PUS7: variants seen among roughly 807,000 people sequenced by gnomAD.
PUS7 encodes the protein pseudouridine synthase 7.
Under a neutral mutation model 79.8 loss-of-function variants are expected in PUS7, and 48 were observed. The observed-to-expected ratio is 0.60, with a 90% CI of 0.48 to 0.76. PUS7 has a LOEUF of 0.76. PUS7 is among the 30% of genes least tolerant of loss of function. The pLI, the probability that PUS7 is intolerant of heterozygous loss-of-function variation, is 0.00. For synonymous variants in PUS7, 286 were observed against 272.2 expected (o/e 1.05, Z -0.50); for missense variants, 729 against 797.6 (o/e 0.91, Z 1.04).
intron 11 of PUS7, among the ~76,000 whole-genome samples, chr7:105,469,781 C>G (rs1823800560): frequency 6.6e-6 from 1 of 152,162 alleles, no homozygotes; most frequent in South Asian, 2.1e-4. Flanking sequence ...TTAGTAGAGA[C>G]AAGGTTTCAC....
At chr7:105,499,244 G>A (rs544768301) in intron 5 of PUS7, among the ~76,000 whole-genome samples, 1 of 152,306 alleles carries the variant, frequency 6.6e-6, no homozygotes, top group East Asian at 1.9e-4. Flanking sequence ...AGCAATGGTA[G>A]TCCATTGATC....
rs1586078949 is a variant in PUS7, at chr7:105,459,018, G to A, written c.1849+150C>T. Reference sequence around the variant, plus strand: ...TACTGGTTTTAATCACTAACTTTCAGCCATAATTGTGAAAGTAAGGTCATA... The same window carrying A: ...TACTGGTTTTAATCACTAACTTTCAACCATAATTGTGAAAGTAAGGTCATA... On this transcript the variant is annotated intron_variant, in intron 15 of 15. Transcript: ENST00000469408. 10 of 478,912 alleles carry A rather than the reference G, an allele frequency of 2.1e-5. No individual in the cohort carries two copies. The East Asian group carries it at 3.2e-4, about 15-fold the overall frequency. The allele number at this position is 478,912 out of a possible 1,614,324, so 29.7% of individuals were successfully genotyped here. A position where few individuals can be genotyped will look rare whatever the true frequency, so the allele number is the denominator to read the frequency against.
chr7:105,494,596 G>A (rs1399220532), intron 6 of PUS7, among the ~76,000 whole-genome samples: 2 of 151,894 alleles, frequency 1.3e-5, no homozygotes, highest in Non-Finnish European at 2.9e-5. Context: ...TTTTAGTAGA[G>A]ATTGGGTTTC....
chr7:105,472,342 C>T, intron 9 of PUS7, 149 bp from the exon 10 acceptor site: 1 of 540,532 alleles, frequency 1.9e-6, no homozygotes, highest in Non-Finnish European at 3.3e-6. Context: ...TCTAGTGATT[C>T]TCCCACCTCA....
In PUS7 at chr7:105,481,077, C is replaced by G. The variant is rs751864345; in HGVS notation, c.1150G>C (p.Ala384Pro). The change falls in exon 9 of 16, where the codon GCT (alanine) becomes CCT (proline). Residue 384 changes from alanine to proline, a missense_variant. Physicochemically the swap from Ala to Pro is conservative, Grantham distance 27. Transcript: ENST00000469408. Reference protein sequence around the residue: ...YYGMQRFGTTAVPTYQVGRAI... With the variant: ...YYGMQRFGTTPVPTYQVGRAI... Reference sequence around the variant, plus strand: ...CTTCCAACCTGATACGTAGGGACAGCTGTGGTTCCAAATCTTTGCATTCCA... The same window carrying G: ...CTTCCAACCTGATACGTAGGGACAGGTGTGGTTCCAAATCTTTGCATTCCA... 6.2e-6 allele frequency: 10 copies of G among 1,612,286 alleles called. No homozygotes were observed. Among genetic ancestry groups the G allele is most frequent in the Non-Finnish European group, 8.5e-6 (10 of 1,179,104 alleles).
chr7:105,503,417 G>C (rs768681379), intron 4 of PUS7, among the ~76,000 whole-genome samples: 15 of 151,946 alleles, frequency 9.9e-5, no homozygotes, highest in Non-Finnish European at 2.2e-4. Flanking sequence ...CTAGCACATG[G>C]GTTTACAGTA....
intron 6 of PUS7, among the ~76,000 whole-genome samples, chr7:105,492,957 T>G (rs1310422654): frequency 6.6e-6 from 1 of 152,214 alleles, no homozygotes; most frequent in Non-Finnish European, 1.5e-5. Flanking sequence ...ATTCCTTTCT[T>G]AGCAGTGTAA....
At chr7:105,503,446 A>G (rs1410923775) in intron 4 of PUS7, among the ~76,000 whole-genome samples, 3 of 152,250 alleles carry the variant, frequency 2.0e-5, no homozygotes, top group Non-Finnish European at 2.9e-5. Flanking sequence ...TCAACATGAT[A>G]TAAACTCACT....
At chr7:105,503,194 G>C (rs1825324479) in intron 4 of PUS7, among the ~76,000 whole-genome samples, 1 of 152,174 alleles carries the variant, frequency 6.6e-6, no homozygotes, top group Admixed American at 6.5e-5. Flanking sequence ...GAAGGTGGTA[G>C]AGCTGGATTT....
At chr7:105,520,354 G>T (rs916722987) in intron 1 of PUS7, among the ~76,000 whole-genome samples, 4 of 151,926 alleles carry the variant, frequency 2.6e-5, no homozygotes, top group Non-Finnish European at 4.4e-5. Context: ...AGCTACTCGG[G>T]AGGCTGAGGC....
chr7:105,473,050 C>G (rs146225914), intron 9 of PUS7, among the ~76,000 whole-genome samples: 1 of 151,682 alleles, frequency 6.6e-6, no homozygotes, highest in African/African-American at 2.4e-5. Flanking sequence ...CATAAGCCCC[C>G]GTGCCCGGCC....
At chr7:105,489,401 A>G (rs1824695542) in intron 7 of PUS7, among the ~76,000 whole-genome samples, 1 of 152,022 alleles carries the variant, frequency 6.6e-6, no homozygotes, top group Admixed American at 6.6e-5. Context: ...TCCCTGGTCC[A>G]TTACCCACAA....
chr7:105,495,655 G>C (rs1446154057), intron 5 of PUS7, among the ~76,000 whole-genome samples: 1 of 152,064 alleles, frequency 6.6e-6, no homozygotes, highest in African/African-American at 2.4e-5. Flanking sequence ...TGAGGTGGGA[G>C]GATCACATGA....
chr7:105,467,437 C>G (rs913663627), intron 12 of PUS7, among the ~76,000 whole-genome samples: 5 of 151,642 alleles, frequency 3.3e-5, no homozygotes, highest in South Asian at 2.1e-4. Context: ...CTACAGGCGC[C>G]TGCCACCACG....
At chr7:105,471,341 C>A (rs1381090016) in intron 10 of PUS7, among the ~76,000 whole-genome samples, 1 of 152,190 alleles carries the variant, frequency 6.6e-6, no homozygotes, top group Non-Finnish European at 1.5e-5. Flanking sequence ...TGCAAATCCT[C>A]AAGGTGTTTT....
At chr7:105,507,883 C>T (rs1825535947) in intron 2 of PUS7, among the ~76,000 whole-genome samples, 1 of 151,920 alleles carries the variant, frequency 6.6e-6, no homozygotes, top group South Asian at 2.1e-4. Context: ...TGCATGCCAG[C>T]CTGGGTGACA....
chr7:105,518,478 A>G (rs1046289861), intron 1 of PUS7, among the ~76,000 whole-genome samples: 5 of 145,866 alleles, frequency 3.4e-5, no homozygotes, highest in African/African-American at 7.6e-5. Context: ...TCTCAGTTCA[A>G]TGCAGCCTCG....
chr7:105,496,048 T>C (rs1824999650), intron 5 of PUS7, among the ~76,000 whole-genome samples: 1 of 151,550 alleles, frequency 6.6e-6, no homozygotes, highest in Admixed American at 6.6e-5. Context: ...TAATTCCAGC[T>C]ACTTGGGAGG....
At chr7:105,479,784 G>C (rs561639956) in intron 9 of PUS7, among the ~76,000 whole-genome samples, 1 of 152,246 alleles carries the variant, frequency 6.6e-6, no homozygotes, top group Non-Finnish European at 1.5e-5. Flanking sequence ...GATCACTGGA[G>C]GTCATGAGTT....
Sources: allele counts gnomAD v4.1 joint callset (sites outside exome capture counted in the v4.1 genomes callset), GRCh38; gene constraint gnomAD v4.1.1; transcripts MANE v1.5; gene names NCBI Gene and HGNC (gene_info 2026-07-23, HGNC 2026-07-21).